RALA: variants seen among roughly 807,000 people sequenced by gnomAD.
RALA encodes the protein RAS like proto-oncogene A.
RALA carries 5 observed loss-of-function variants against 24.0 expected under a neutral mutation model. That is an observed-to-expected ratio of 0.21 (90% CI 0.11 to 0.44). The LOEUF is 0.44. RALA is among the 20% of genes least tolerant of loss of function. The probability of loss-of-function intolerance (pLI) is 0.99; values close to 1 mark genes in which losing one functional copy is unlikely to be tolerated. For missense variants in RALA, 95 were observed against 241.2 expected, an observed-to-expected ratio of 0.39 and a Z score of 4.01; for synonymous variants, 77 against 83.8, an observed-to-expected ratio of 0.92 and a Z score of 0.44.
intron 1 of RALA, among the ~76,000 whole-genome samples, chr7:39,682,397 C>T (rs969679653): frequency 6.6e-6 from 1 of 152,172 alleles, no homozygotes; most frequent in Non-Finnish European, 1.5e-5. Context: ...ACTCTTGATA[C>T]TTCCACTGTC....
intron 2 of RALA, among the ~76,000 whole-genome samples, chr7:39,688,952 CAG>C (rs1179181328): frequency 6.6e-6 from 1 of 152,082 alleles, no homozygotes; most frequent in Non-Finnish European, 1.5e-5. Context: ...CATGTTGGGA[CAG>C]GGGAGGGAGA....
intron 1 of RALA, among the ~76,000 whole-genome samples, chr7:39,686,093 C>G (rs1411791921): frequency 1.3e-5 from 2 of 151,804 alleles, no homozygotes; most frequent in African/African-American, 4.8e-5. Context: ...GTAGTCCCAG[C>G]TACTCAGGAG....
chr7:39,705,529 A>G (rs1213482797), intron 4 of RALA, among the ~76,000 whole-genome samples: 4 of 152,120 alleles, frequency 2.6e-5, no homozygotes, highest in Admixed American at 1.3e-4. Context: ...CTTAGTTACT[A>G]TGCTAATATC....
At chr7:39,680,984 C>A (rs1221857642) in intron 1 of RALA, among the ~76,000 whole-genome samples, 1 of 152,190 alleles carries the variant, frequency 6.6e-6, no homozygotes, top group East Asian at 1.9e-4. Context: ...GCATCTATAC[C>A]CCTATTCTTT....
At chr7:39,681,031 C>T (rs116359352) in intron 1 of RALA, among the ~76,000 whole-genome samples, 1,708 of 152,266 alleles carry the variant, frequency 0.011, 22 homozygotes, top group African/African-American at 0.037. Context: ...GAAGAGATGT[C>T]CCTGCTCCTG....
chr7:39,627,322 G>A (rs1791509811), intron 1 of RALA, among the ~76,000 whole-genome samples: 1 of 152,082 alleles, frequency 6.6e-6, no homozygotes, highest in Admixed American at 6.6e-5. Context: ...TGATGACTTA[G>A]TTTCTGAAAG....
rs1793131285 is a variant in RALA at position 39,706,998 on chromosome 7, C to G, written c.*753C>G. 1 of 152,612 alleles carries G rather than the reference C, an allele frequency of 6.6e-6. No individual in the cohort carries two copies. The highest frequency in any genetic ancestry group is 2.4e-5 in the African/African-American group (1 of 41,438). The allele number at this position is 152,612 out of a possible 1,614,324, so 9.5% of individuals were successfully genotyped here. On this transcript the variant is annotated 3_prime_UTR_variant, in exon 5 of 5. Coordinates refer to ENST00000005257, the MANE Select transcript of RALA (RefSeq NM_005402.4). Reference sequence around the variant, plus strand: ...TGAGAAGTAACTGTCCGCTAGAAGTCTGTCCAAATTTAAAATGTGTGCCAT... The same window carrying G: ...TGAGAAGTAACTGTCCGCTAGAAGTGTGTCCAAATTTAAAATGTGTGCCAT...
At chr7:39,627,607 C>T (rs2094410034) in intron 1 of RALA, among the ~76,000 whole-genome samples, 2 of 152,198 alleles carry the variant, frequency 1.3e-5, no homozygotes, top group Admixed American at 6.5e-5. Context: ...AAAGATCCCC[C>T]AGTTTCCAAA....
intron 4 of RALA, among the ~76,000 whole-genome samples, chr7:39,705,257 C>T (rs924347841): frequency 3.3e-5 from 5 of 152,164 alleles, no homozygotes; most frequent in Admixed American, 6.5e-5. Context: ...TCATGACATA[C>T]ACAGGCTTCT....
chr7:39,672,910 T>C (rs746804780), intron 1 of RALA, among the ~76,000 whole-genome samples: 2 of 152,218 alleles, frequency 1.3e-5, no homozygotes, highest in Non-Finnish European at 2.9e-5. Flanking sequence ...CTGTATACAT[T>C]TATCAAAACT....
At chr7:39,688,870 G>A (rs762369122) in intron 2 of RALA, among the ~76,000 whole-genome samples, 22 of 152,184 alleles carry the variant, frequency 1.4e-4, no homozygotes, top group Non-Finnish European at 2.9e-4. Flanking sequence ...GGCTTAACAG[G>A]AAGCATGACT....
intron 1 of RALA, among the ~76,000 whole-genome samples, chr7:39,643,582 GT>G (rs1340601633): frequency 6.6e-6 from 1 of 152,166 alleles, no homozygotes; most frequent in Admixed American, 6.5e-5. Flanking sequence ...TTAGCCAGGC[GT>G]GGTGGCTTAC....
Position 39,707,059 on chromosome 7 carries a change from T to G in RALA, c.*814T>G, listed in dbSNP as rs1024342596. On this transcript the variant is annotated 3_prime_UTR_variant, in exon 5 of 5. Transcript: ENST00000005257. ...TTGAAAATAAGATTCCAGAGCTCTT[T>G]GATCGCTTTTAATAAACTGCAAGTT... The G allele has an allele frequency of 6.6e-6, 1 of 152,620 alleles. No homozygotes were observed. Among genetic ancestry groups the G allele is most frequent in the Non-Finnish European group, 1.5e-5 (1 of 68,044 alleles). 9.5% of individuals were successfully genotyped at this position (152,620 alleles called of 1,614,324 possible).
intron 4 of RALA, among the ~76,000 whole-genome samples, chr7:39,702,013 T>G (rs1793037484): frequency 6.6e-6 from 1 of 152,212 alleles, no homozygotes; most frequent in Non-Finnish European, 1.5e-5. Context: ...GAGCAAATAT[T>G]AACAGATGTC....
At chr7:39,697,948 A>AGTGTGTGTGTGTGT (rs370929636) in intron 4 of RALA, among the ~76,000 whole-genome samples, 6 of 148,790 alleles carry the variant, frequency 4.0e-5, no homozygotes, top group Non-Finnish European at 8.9e-5. Context: ...GACTAGGGCA[A>AGTGTGTGTGTGTGT]GTGTGTGTGT....
chr7:39,654,645 C>G (rs1304897056), intron 1 of RALA, among the ~76,000 whole-genome samples: 1 of 152,164 alleles, frequency 6.6e-6, no homozygotes, highest in Admixed American at 6.6e-5. Context: ...TAACTCTATG[C>G]TTTCTTCTAG....
intron 1 of RALA, among the ~76,000 whole-genome samples, chr7:39,675,901 CT>C (rs1314289257): frequency 6.6e-6 from 1 of 151,976 alleles, no homozygotes; most frequent in African/African-American, 2.4e-5. Context: ...ATATGAAATA[CT>C]TTCCATTCAC....
At chr7:39,699,677 G>A (rs926196634) in intron 4 of RALA, among the ~76,000 whole-genome samples, 1 of 152,190 alleles carries the variant, frequency 6.6e-6, no homozygotes, top group Non-Finnish European at 1.5e-5. Flanking sequence ...ACAGAGTGGT[G>A]TCTGTAGCTT....
intron 3 of RALA, among the ~76,000 whole-genome samples, chr7:39,693,248 A>G (rs1296430563): frequency 1.3e-5 from 2 of 152,176 alleles, no homozygotes; most frequent in East Asian, 3.9e-4. Flanking sequence ...ATAAAAAAGG[A>G]TGAGTTCATG....
Sources: gnomAD v4.1 joint callset for allele counts (sites outside exome capture counted in the v4.1 genomes callset) on GRCh38, gnomAD v4.1.1 for gene constraint, MANE v1.5 for transcripts, NCBI Gene and HGNC (gene_info 2026-07-23, HGNC 2026-07-21) for gene names.